The following PDZD2 variants were observed in gnomAD, a reference collection of about 807,000 sequenced individuals.
The protein encoded by PDZD2 is PDZ domain-containing protein 2.
In PDZD2, 90 loss-of-function variants were observed where a neutral mutation model predicts 220.7. The observed-to-expected ratio is 0.41, with a 90% CI of 0.34 to 0.49. The LOEUF (loss-of-function observed/expected upper bound fraction) is 0.49, where lower values mean the gene tolerates loss of function less well. Ranked by LOEUF, PDZD2 falls within the 20% of genes least tolerant of loss-of-function variation. PDZD2 has a pLI of 0.28. For synonymous variants in PDZD2, 1,375 were observed against 1,450.5 expected, an observed-to-expected ratio of 0.95 and a Z score of 1.18; for missense variants, 3,174 against 3,608.5, an observed-to-expected ratio of 0.88 and a Z score of 3.08.
chr5:31,909,599 G>A (rs79642806), intron 2 of PDZD2, among the ~76,000 whole-genome samples: 8,742 of 151,996 alleles, frequency 0.058, 842 homozygotes, highest in African/African-American at 0.2. Flanking sequence ...TAATATACAC[G>A]AAATACTATA....
chr5:31,927,382 TTTTTG>T (rs199897973), intron 2 of PDZD2, among the ~76,000 whole-genome samples: 8 of 151,874 alleles, frequency 5.3e-5, no homozygotes, highest in African/African-American at 1.2e-4. Flanking sequence ...TTTGGGTGTT[TTTTTG>T]TTTGTTTGTT....
rs763178184 is a variant in PDZD2, at chr5:32,087,880, G to T, written c.4432G>T (p.Gly1478Cys). 1 of 1,612,672 alleles carries T rather than the reference G, an allele frequency of 6.2e-7. No individual in the cohort carries two copies. Among genetic ancestry groups the T allele is most frequent in the Non-Finnish European group, 8.5e-7 (1 of 1,179,556 alleles). The change falls in exon 20 of 25, where the codon GGC becomes TGC. Residue 1478 changes from glycine to cysteine, a missense_variant. Gly to Cys is a radical substitution (Grantham distance 159, BLOSUM62 -3). Coordinates refer to ENST00000438447, the MANE Select transcript of PDZD2 (RefSeq NM_178140.4). This position sits in a 1 kb window ranked among gnomAD's most constrained non-coding sequence, Gnocchi z 4.0. ...SSCRAEPVPG[G>C]QTSSPRRAWA... ...CTGCCGTGCCGAACCAGTCCCGGGGGGCCAGACCTCCTCCCCGAGGAGGGC... is the reference window on the plus strand; with the variant it reads ...CTGCCGTGCCGAACCAGTCCCGGGGTGCCAGACCTCCTCCCCGAGGAGGGC...
intron 2 of PDZD2, among the ~76,000 whole-genome samples, chr5:31,880,904 C>T (rs1739833039): frequency 1.4e-5 from 2 of 144,764 alleles, no homozygotes; most frequent in South Asian, 2.2e-4. Context: ...CAGGTTCAAG[C>T]GATTCTCCTG....
chr5:32,029,315 AGT>A (rs1754939757), intron 6 of PDZD2, among the ~76,000 whole-genome samples: 1 of 133,322 alleles, frequency 7.5e-6, no homozygotes. Flanking sequence ...TGCCAAAGGT[AGT>A]ATCAAGAACT....
At position 32,025,526 on chromosome 5, in the gene PDZD2, AAAACAAACAAAC is replaced by A. The variant is rs148530473; in HGVS notation, c.1408-11685_1408-11674del. ...GACAACAAGAGTGAAACTCTGTCACAAAACAAACAAACAAACAAACAAACAAACAAAAAACAA... is the reference window on the plus strand; with the variant it reads ...GACAACAAGAGTGAAACTCTGTCACAAAACAAACAAACAAACAAAAAACAA... On this transcript the variant is annotated intron_variant, in intron 6 of 24. Coordinates refer to ENST00000438447, the MANE Select transcript of PDZD2 (RefSeq NM_178140.4). 7.7e-3 allele frequency among the ~76,000 whole-genome samples: 1,074 copies of A among 140,254 alleles called. 12 individuals carry two copies. The highest frequency in any genetic ancestry group is 0.011 in the Non-Finnish European group (762 of 66,326). The allele number at this position is 140,254 out of a possible 152,430, so 92.0% of individuals were successfully genotyped here. A position where few individuals can be genotyped will look rare whatever the true frequency, so the allele number is the denominator to read the frequency against.
At chr5:31,801,396 T>G (rs765909496) in intron 2 of PDZD2, among the ~76,000 whole-genome samples, 5 of 152,218 alleles carry the variant, frequency 3.3e-5, no homozygotes, top group Non-Finnish European at 7.3e-5. Context: ...CTCAAGATGC[T>G]GCAGGGAGCT....
chr5:31,745,539 G>A (rs1410585221), intron 1 of PDZD2, among the ~76,000 whole-genome samples: 1 of 152,188 alleles, frequency 6.6e-6, no homozygotes, highest in Non-Finnish European at 1.5e-5. Flanking sequence ...TAACTGTGAA[G>A]CCCAAATCAC....
At chr5:32,025,785 GAC>G in intron 6 of PDZD2, among the ~76,000 whole-genome samples, 1 of 151,498 alleles carries the variant, frequency 6.6e-6, no homozygotes, top group African/African-American at 2.4e-5. Context: ...GTTTTTAGTA[GAC>G]ACAAGATTTC....
chr5:31,893,746 G>A (rs933626360), intron 2 of PDZD2, among the ~76,000 whole-genome samples: 1 of 152,166 alleles, frequency 6.6e-6, no homozygotes, highest in Non-Finnish European at 1.5e-5. Flanking sequence ...TAGTTTCTCA[G>A]CAGGGATTGT....
intron 2 of PDZD2, among the ~76,000 whole-genome samples, chr5:31,817,938 A>C (rs1755572781): frequency 6.8e-6 from 1 of 146,302 alleles, no homozygotes; most frequent in African/African-American, 2.5e-5. Flanking sequence ...TACTGGGATT[A>C]CTGGCATGAG....
chr5:31,857,951 G>A (rs760414931), intron 2 of PDZD2, among the ~76,000 whole-genome samples: 1 of 152,154 alleles, frequency 6.6e-6, no homozygotes, highest in Middle Eastern at 3.4e-3. Flanking sequence ...CTCACACCCC[G>A]AGTAATTCGG....
At chr5:31,699,088 G>A (rs1010885531) in intron 1 of PDZD2, among the ~76,000 whole-genome samples, 1 of 152,196 alleles carries the variant, frequency 6.6e-6, no homozygotes, top group African/African-American at 2.4e-5. Flanking sequence ...CAAGCCCTGA[G>A]CTGCCATTAG....
rs756757179 is a variant in PDZD2 at position 31,995,680 on chromosome 5, C to T, written c.1083C>T (p.Ile361=). 1.9e-6 allele frequency: 3 copies of T among 1,613,938 alleles called. No homozygotes were observed. Among genetic ancestry groups the T allele is most frequent in the South Asian group, 1.1e-5 (1 of 91,058 alleles). ...GRGSKRSPHA[I]VVTQVKEGGA... Reference sequence around the variant, plus strand: ...GATCAAAGCGCTCACCTCACGCTATCGTTGTCACTCAAGTGAAGGAAGGAG... The same window carrying T: ...GATCAAAGCGCTCACCTCACGCTATTGTTGTCACTCAAGTGAAGGAAGGAG... Residue 361 remains isoleucine, a synonymous_variant, in exon 4 of 25, where the codon ATC becomes ATT. Transcript: ENST00000438447.
At chr5:31,774,631 G>A (rs10037498) in intron 1 of PDZD2, among the ~76,000 whole-genome samples, 8,006 of 151,750 alleles carry the variant, frequency 0.053, 664 homozygotes, top group African/African-American at 0.18. Flanking sequence ...TAGGAGAATC[G>A]CTTGAACCTG....
chr5:31,872,294 C>A (rs980155457), intron 2 of PDZD2, among the ~76,000 whole-genome samples: 1 of 152,080 alleles, frequency 6.6e-6, no homozygotes, highest in African/African-American at 2.4e-5. Flanking sequence ...TTTGGTGAAA[C>A]AAACACGGAG....
At chr5:31,884,104 T>G (rs2150339811) in intron 2 of PDZD2, among the ~76,000 whole-genome samples, 1 of 152,246 alleles carries the variant, frequency 6.6e-6, no homozygotes, top group South Asian at 2.1e-4. Flanking sequence ...TCCCAACTAC[T>G]CAGGAGGCTG....
At chr5:31,838,386 T>G (rs1757072515) in intron 2 of PDZD2, among the ~76,000 whole-genome samples, 1 of 152,170 alleles carries the variant, frequency 6.6e-6, no homozygotes, top group Non-Finnish European at 1.5e-5. Context: ...CAGAAATCCA[T>G]GGAGCTAGAA....
chr5:32,007,009 A>G (rs1420953653), intron 5 of PDZD2, among the ~76,000 whole-genome samples: 10 of 127,352 alleles, frequency 7.9e-5, no homozygotes, highest in Non-Finnish European at 4.7e-5. Context: ...TCCGCCTCCC[A>G]GGCTTACGCC....
intron 3 of PDZD2, among the ~76,000 whole-genome samples, chr5:31,991,297 A>G (rs930241451): frequency 2.6e-5 from 4 of 152,190 alleles, no homozygotes; most frequent in Non-Finnish European, 4.4e-5. Flanking sequence ...TGGTCACCCA[A>G]GCTAAAGATG....
Sources: allele counts gnomAD v4.1 joint callset (sites outside exome capture counted in the v4.1 genomes callset), GRCh38; gene constraint gnomAD v4.1.1; non-coding constraint Gnocchi (gnomAD v3.1); transcripts MANE v1.5; gene names NCBI Gene and HGNC (gene_info 2026-07-23, HGNC 2026-07-21).